RGL1: variants seen among roughly 807,000 people sequenced by gnomAD.
RGL1 encodes the protein ral guanine nucleotide dissociation stimulator-like 1.
Under a neutral mutation model 95.2 loss-of-function variants are expected in RGL1, and 24 were observed. The observed-to-expected ratio is 0.25, with a 90% CI of 0.18 to 0.35. The LOEUF is 0.35. RGL1 is among the 10% of genes least tolerant of loss of function. The pLI, the probability that RGL1 is intolerant of heterozygous loss-of-function variation, is 1.00. For synonymous variants in RGL1, 329 were observed against 344.9 expected (o/e 0.95, Z 0.51); for missense variants, 715 against 936.3 (o/e 0.76, Z 3.08).
At chr1:183,810,343 G>A (rs1287071477) in intron 2 of RGL1, among the ~76,000 whole-genome samples, 1 of 152,190 alleles carries the variant, frequency 6.6e-6, no homozygotes, top group Non-Finnish European at 1.5e-5. Context: ...TGTGGGCAGT[G>A]GAATGATCAG....
chr1:183,739,233 C>T (rs1657134662), intron 1 of RGL1, among the ~76,000 whole-genome samples: 2 of 152,218 alleles, frequency 1.3e-5, no homozygotes, highest in Non-Finnish European at 2.9e-5. Context: ...CCATCCTTAC[C>T]TATGTACTCA....
At chr1:183,647,386 A>C in intron 1 of RGL1, 1 of 233,834 alleles carries the variant, frequency 4.3e-6, no homozygotes, top group East Asian at 9.0e-5. Context: ...AAAATAGAAT[A>C]ATGAGATTCC....
chr1:183,796,160 T>A (rs915180568), intron 2 of RGL1, among the ~76,000 whole-genome samples: 6 of 151,466 alleles, frequency 4.0e-5, no homozygotes, highest in African/African-American at 1.5e-4. Flanking sequence ...GTGTTTGTAT[T>A]CCTATTTTTT....
At chr1:183,916,269 A>G (rs757437313) in intron 15 of RGL1, among the ~76,000 whole-genome samples, 178 bp from the exon 16 acceptor site, 2 of 152,152 alleles carry the variant, frequency 1.3e-5, no homozygotes, top group Non-Finnish European at 2.9e-5. Flanking sequence ...ATAGGCATCT[A>G]CCACTGATGG....
chr1:183,729,659 A>C (rs1161203848), intron 1 of RGL1, among the ~76,000 whole-genome samples: 2 of 152,234 alleles, frequency 1.3e-5, no homozygotes, highest in African/African-American at 2.4e-5. Context: ...ATGTGTCCAC[A>C]AAAAGAGTTG....
At chr1:183,708,255 C>G (rs572145549) in intron 1 of RGL1, among the ~76,000 whole-genome samples, 53 of 152,036 alleles carry the variant, frequency 3.5e-4, no homozygotes, top group Admixed American at 1.4e-3. Context: ...AGGGTAGGCT[C>G]GGGAGAACAG....
At chr1:183,888,689 C>A in intron 8 of RGL1, 112 bp downstream of exon 8, 2 of 692,690 alleles carry the variant, frequency 2.9e-6, no homozygotes, top group Admixed American at 2.4e-5. Flanking sequence ...TATTTGAAAT[C>A]CTCTGTGTGT....
intron 2 of RGL1, among the ~76,000 whole-genome samples, chr1:183,753,189 T>C (rs1269454832): frequency 6.6e-6 from 1 of 152,214 alleles, no homozygotes; most frequent in Non-Finnish European, 1.5e-5. Flanking sequence ...AGTTGCATTC[T>C]TATTAATCTT....
intron 2 of RGL1, among the ~76,000 whole-genome samples, chr1:183,813,428 TA>T (rs1661861865): frequency 2.0e-5 from 3 of 152,344 alleles, no homozygotes; most frequent in African/African-American, 7.2e-5. Context: ...AATCACAGTT[TA>T]GGCTCACCAT....
chr1:183,881,224 C>T (rs971790750), intron 5 of RGL1, among the ~76,000 whole-genome samples: 8 of 152,146 alleles, frequency 5.3e-5, no homozygotes, highest in African/African-American at 1.9e-4. Context: ...CCATCACAAC[C>T]ACTCCCGTCT....
At chr1:183,742,708 TGG>T (rs905997639) in intron 2 of RGL1, among the ~76,000 whole-genome samples, 2 of 151,694 alleles carry the variant, frequency 1.3e-5, no homozygotes, top group African/African-American at 4.8e-5. Context: ...TGCATATTTG[TGG>T]GGGGTGTGTG....
In RGL1 at chr1:183,855,580, C is replaced by T. The variant is rs79248305; in HGVS notation, c.347+7806C>T. On this transcript the variant is annotated intron_variant, in intron 3 of 17. Transcript: ENST00000360851. Reference sequence around the variant, plus strand: ...AGGTTTCTAATATCTTTCCTCTCCTCTTCCAGGTCCAAGGAAAGGAAGTTG... The same window carrying T: ...AGGTTTCTAATATCTTTCCTCTCCTTTTCCAGGTCCAAGGAAAGGAAGTTG... Among the ~76,000 whole-genome samples, 1,109 of 152,318 alleles carry T rather than the reference C, an allele frequency of 7.3e-3. 23 individuals are homozygous for T. Among genetic ancestry groups the T allele is most frequent in the African/African-American group, 0.026 (1,068 of 41,560 alleles).
At chr1:183,673,852 G>C (rs1652643855) in intron 1 of RGL1, among the ~76,000 whole-genome samples, 1 of 152,130 alleles carries the variant, frequency 6.6e-6, no homozygotes, top group South Asian at 2.1e-4. Context: ...GGTGCATTGG[G>C]TTTGCAAGTG....
chr1:183,901,945 C>CT (rs1478723386), intron 11 of RGL1, among the ~76,000 whole-genome samples: 1 of 152,210 alleles, frequency 6.6e-6, no homozygotes, highest in Non-Finnish European at 1.5e-5. Context: ...TTGCATAGAT[C>CT]TACCTACCTT....
intron 17 of RGL1, among the ~76,000 whole-genome samples, chr1:183,923,771 GGCA>G (rs1669452044): frequency 6.6e-6 from 1 of 152,134 alleles, no homozygotes; most frequent in Non-Finnish European, 1.5e-5. Flanking sequence ...TGAGTATGTG[GGCA>G]GCAGCATGGG....
chr1:183,784,611 C>T (rs1052795033), intron 2 of RGL1, among the ~76,000 whole-genome samples: 3 of 152,156 alleles, frequency 2.0e-5, no homozygotes, highest in African/African-American at 7.2e-5. Flanking sequence ...TGACCTTCGA[C>T]GCTGGGTTTA....
At position 183,638,847 on chromosome 1, in the gene RGL1, C is replaced by G. The variant is rs556894549; in HGVS notation, c.-33+2346C>G. 2.6e-5 allele frequency among the ~76,000 whole-genome samples: 4 copies of G among 152,318 alleles called. No individual in the cohort carries two copies. In the South Asian group the frequency reaches 8.3e-4, roughly 32 times the overall value. Reference sequence around the variant, plus strand: ...TAGTTCCTTATTTTCTGTGATGATGCAAACAGCCAAGGATCTTTTCAGTTA... The same window carrying G: ...TAGTTCCTTATTTTCTGTGATGATGGAAACAGCCAAGGATCTTTTCAGTTA... On this transcript the variant is annotated intron_variant, in intron 1 of 18. Coordinates refer to the RGL1 transcript ENST00000304685.
At chr1:183,685,756 T>C (rs1248471038) in intron 1 of RGL1, among the ~76,000 whole-genome samples, 1 of 152,220 alleles carries the variant, frequency 6.6e-6, no homozygotes, top group Non-Finnish European at 1.5e-5. Flanking sequence ...ACCTAACATG[T>C]GGTAATACAG....
intron 8 of RGL1, among the ~76,000 whole-genome samples, chr1:183,890,359 A>G (rs555427192): frequency 3.3e-5 from 5 of 152,304 alleles, no homozygotes; most frequent in African/African-American, 1.2e-4. Context: ...TGGCTGCCAT[A>G]TGAAAAGATT....
Sources: allele counts gnomAD v4.1 joint callset (sites outside exome capture counted in the v4.1 genomes callset), GRCh38; gene constraint gnomAD v4.1.1; transcripts MANE v1.5; gene names NCBI Gene and HGNC (gene_info 2026-07-23, HGNC 2026-07-21).